Variants in PLCB1 observed in about 807,000 individuals in gnomAD.
PLCB1 encodes phospholipase C beta 1.
A neutral mutation model predicts 161.8 loss-of-function variants in PLCB1; 46 were observed. That is an observed-to-expected ratio of 0.28 (90% CI 0.22 to 0.36). The LOEUF (loss-of-function observed/expected upper bound fraction) is 0.36, where lower values mean the gene tolerates loss of function less well. Ranked by LOEUF, PLCB1 falls within the 10% of genes least tolerant of loss-of-function variation. The pLI, the probability that PLCB1 is intolerant of heterozygous loss-of-function variation, is 1.00. For missense variants in PLCB1, 1,016 were observed against 1,472.5 expected (o/e 0.69, Z 5.07); for synonymous variants, 517 against 503.7 (o/e 1.03, Z -0.35).
At chr20:8,149,969 T>C (rs1316580146) in intron 1 of PLCB1, among the ~76,000 whole-genome samples, 1 of 152,094 alleles carries the variant, frequency 6.6e-6, no homozygotes. Context: ...ATATTAATCA[T>C]AAAAATAAGT....
At chr20:8,367,597 A>C (rs1986753875) in intron 2 of PLCB1, among the ~76,000 whole-genome samples, 1 of 152,166 alleles carries the variant, frequency 6.6e-6, no homozygotes. Flanking sequence ...CCTCACTCAA[A>C]CCCAAGTTTT....
intron 9 of PLCB1, among the ~76,000 whole-genome samples, chr20:8,661,466 A>AG (rs1242938719): frequency 6.6e-6 from 1 of 152,044 alleles, no homozygotes; most frequent in Non-Finnish European, 1.5e-5. Flanking sequence ...CAGTCACCCC[A>AG]GGGGACTCCA....
intron 10 of PLCB1, among the ~76,000 whole-genome samples, chr20:8,686,834 A>C (rs898847641): frequency 6.6e-6 from 1 of 152,136 alleles, no homozygotes; most frequent in African/African-American, 2.4e-5. Context: ...CCAGAGATGG[A>C]AACAGACTAT....
At chr20:8,624,823 C>A (rs962855471) in intron 3 of PLCB1, among the ~76,000 whole-genome samples, 7 of 152,242 alleles carry the variant, frequency 4.6e-5, no homozygotes, top group African/African-American at 1.4e-4. Context: ...CTTATGGGAA[C>A]AGAAATGATC....
intron 3 of PLCB1, among the ~76,000 whole-genome samples, chr20:8,486,352 G>A (rs1378183872): frequency 6.6e-6 from 1 of 152,088 alleles, no homozygotes; most frequent in Non-Finnish European, 1.5e-5. Flanking sequence ...TTTGTCACAT[G>A]CCATGGTTAC....
At chr20:8,778,470 T>C (rs984579030) in intron 27 of PLCB1, among the ~76,000 whole-genome samples, 1 of 152,096 alleles carries the variant, frequency 6.6e-6, no homozygotes, top group Non-Finnish European at 1.5e-5. Context: ...GCTGAGCTTG[T>C]AGGTGGGAAA....
intron 31 of PLCB1, among the ~76,000 whole-genome samples, chr20:8,826,115 TGAGAA>T (rs1276606084): frequency 3.3e-5 from 5 of 152,188 alleles, no homozygotes; most frequent in Admixed American, 1.3e-4. Context: ...ACTTTGGAAT[TGAGAA>T]GAGAAGTCTT....
rs555938955 is a variant in PLCB1 at position 8,721,530 on chromosome 20, G to A, written c.1514-824G>A. Among the ~76,000 whole-genome samples, 14 of 152,212 alleles carry A rather than the reference G, an allele frequency of 9.2e-5. No individual in the cohort carries two copies. In the South Asian group the frequency reaches 2.9e-3, roughly 32 times the overall value. On this transcript the variant is annotated intron_variant, in intron 14 of 31. Coordinates refer to ENST00000338037, the MANE Select transcript of PLCB1 (RefSeq NM_015192.4). ...AGCAGAAATGTCCATTAATTCTTCA[G>A]GGGAAAAACAATTCATTTAAATGAG... is the stretch of plus-strand genomic sequence containing the variant.
intron 2 of PLCB1, among the ~76,000 whole-genome samples, chr20:8,216,875 A>G (rs936235500): frequency 2.0e-5 from 3 of 152,172 alleles, no homozygotes; most frequent in Non-Finnish European, 4.4e-5. Context: ...ACCCTGGGCA[A>G]ACCAAAACCA....
intron 2 of PLCB1, among the ~76,000 whole-genome samples, chr20:8,199,005 T>A (rs1180720895): frequency 6.6e-6 from 1 of 151,550 alleles, no homozygotes; most frequent in Non-Finnish European, 1.5e-5. Context: ...CAGAAACATC[T>A]TAATTTGCGG....
intron 2 of PLCB1, among the ~76,000 whole-genome samples, chr20:8,290,259 C>A (rs1983323005): frequency 6.6e-6 from 1 of 152,084 alleles, no homozygotes; most frequent in Non-Finnish European, 1.5e-5. Context: ...GGTTTGGGTT[C>A]CCCCAGGAGG....
intron 3 of PLCB1, among the ~76,000 whole-genome samples, chr20:8,625,975 C>T (rs748927700): frequency 5.1e-4 from 78 of 151,916 alleles, no homozygotes; most frequent in Non-Finnish European, 6.9e-4. Flanking sequence ...GTCAGGAGTT[C>T]GAGATCAGCC....
chr20:8,582,215 G>C (rs539012249), intron 3 of PLCB1, among the ~76,000 whole-genome samples: 1 of 152,128 alleles, frequency 6.6e-6, no homozygotes, highest in African/African-American at 2.4e-5. Flanking sequence ...CTTTACCTAG[G>C]GAGTGCACTT....
chr20:8,489,018 A>G (rs1982840699), intron 3 of PLCB1, among the ~76,000 whole-genome samples: 1 of 152,250 alleles, frequency 6.6e-6, no homozygotes, highest in East Asian at 1.9e-4. Context: ...TTTTTTCTAA[A>G]TAAAATACCT....
chr20:8,759,964 G>A (rs541423246), intron 24 of PLCB1, among the ~76,000 whole-genome samples: 63 of 134,434 alleles, frequency 4.7e-4, no homozygotes, highest in Middle Eastern at 5.3e-3. Context: ...GGAGTGCAGT[G>A]GCATGATCTC....
At chr20:8,673,357 T>C (rs1027931276) in intron 9 of PLCB1, among the ~76,000 whole-genome samples, 1 of 152,204 alleles carries the variant, frequency 6.6e-6, no homozygotes, top group African/African-American at 2.4e-5. Context: ...TTGATTTGGC[T>C]TATTCTGAAT....
intron 23 of PLCB1, among the ~76,000 whole-genome samples, chr20:8,744,175 A>C (rs1981028304): frequency 6.6e-6 from 1 of 152,216 alleles, no homozygotes. Context: ...AAAGCTAAAA[A>C]AAAAAGAAAA....
intron 4 of PLCB1, among the ~76,000 whole-genome samples, chr20:8,637,414 C>CT (rs1307911091): frequency 1.1e-4 from 17 of 152,032 alleles, no homozygotes; most frequent in Admixed American, 2.0e-4. Context: ...AAGAAAATAT[C>CT]TGAGAGCTAA....
chr20:8,820,443 G>A (rs139321951), intron 31 of PLCB1, among the ~76,000 whole-genome samples: 187 of 152,140 alleles, frequency 1.2e-3, no homozygotes, highest in African/African-American at 4.3e-3. Flanking sequence ...ATTATTTTAT[G>A]CCTTCAGACA....
Sources: allele counts gnomAD v4.1 joint callset (sites outside exome capture counted in the v4.1 genomes callset), GRCh38; gene constraint gnomAD v4.1.1; transcripts MANE v1.5; gene names NCBI Gene and HGNC (gene_info 2026-07-23, HGNC 2026-07-21).